The following HADH variants were observed in gnomAD, a reference collection of about 807,000 sequenced individuals.
HADH encodes the protein hydroxyacyl-coenzyme A dehydrogenase, mitochondrial.
A neutral mutation model predicts 32.2 loss-of-function variants in HADH; 24 were observed. That is an observed-to-expected ratio of 0.75 (90% CI 0.54 to 1.05). The LOEUF (loss-of-function observed/expected upper bound fraction) is 1.05, where lower values mean the gene tolerates loss of function less well. HADH is among the 50% of genes least tolerant of loss of function. The probability of loss-of-function intolerance (pLI) is 0.00; values close to 1 mark genes in which losing one functional copy is unlikely to be tolerated. For synonymous variants in HADH, 139 were observed against 152.5 expected, an observed-to-expected ratio of 0.91 and a Z score of 0.65; for missense variants, 350 against 397.1, an observed-to-expected ratio of 0.88 and a Z score of 1.01.
At position 108,032,324 on chromosome 4, in the gene HADH, C is replaced by T. The variant is rs1296251679; in HGVS notation, c.710-852C>T. The T allele has an allele frequency of 1.9e-6, 3 of 1,589,558 alleles. No individual in the cohort carries two copies. The African/African-American group carries it at 4.0e-5, about 21-fold the overall frequency. ...TTGATCCTTGTCGTAGTCTACTCAACAGACTTCCAAACGTGTGGTGATTCT... is the reference window on the plus strand; with the variant it reads ...TTGATCCTTGTCGTAGTCTACTCAATAGACTTCCAAACGTGTGGTGATTCT... On this transcript the variant is annotated intron_variant, in intron 6 of 7. Coordinates refer to ENST00000309522, the MANE Select transcript of HADH (RefSeq NM_005327.7).
intron 1 of HADH, among the ~76,000 whole-genome samples, chr4:107,993,539 G>C (rs562801094): frequency 2.6e-4 from 40 of 152,202 alleles, no homozygotes; most frequent in Admixed American, 9.2e-4. Context: ...TTTTAAACAC[G>C]TCAGTTTGTG....
At chr4:107,990,111 C>G in intron 1 of HADH, 47 bp downstream of exon 1, 1 of 1,569,170 alleles carries the variant, frequency 6.4e-7, no homozygotes, top group South Asian at 1.2e-5. Flanking sequence ...GCCGCCCACC[C>G]TGAGGTGGAA....
In HADH at chr4:108,027,659, G is replaced by GT. The variant is rs544275787; in HGVS notation, c.637-23dup. 508 of 1,438,774 alleles carry GT rather than the reference G, an allele frequency of 3.5e-4. 2 individuals carry two copies. In the South Asian group the frequency reaches 5.1e-3, roughly 15 times the overall value. 89.1% of individuals were successfully genotyped at this position (1,438,774 alleles called of 1,614,324 possible). A position where few individuals can be genotyped will look rare whatever the true frequency, so the allele number is the denominator to read the frequency against. On this transcript the variant is annotated intron_variant, in intron 5 of 7. Coordinates refer to ENST00000309522, the MANE Select transcript of HADH (RefSeq NM_005327.7). ...GATACCATTTAATGAAAATTTACTA[G>GT]TTTTTTGTTTTTCTGTCTCCCAAAA...
intron 5 of HADH, chr4:108,024,090 T>A (rs1434354673): frequency 1.9e-5 from 3 of 155,170 alleles, no homozygotes; most frequent in Admixed American, 6.3e-5. Context: ...GCAGCATGGT[T>A]TAGTGGGAAG....
At chr4:108,016,148 C>G (rs1452179617) in intron 3 of HADH, among the ~76,000 whole-genome samples, 1 of 152,098 alleles carries the variant, frequency 6.6e-6, no homozygotes, top group Non-Finnish European at 1.5e-5. Flanking sequence ...GGATCCAGAG[C>G]CTTCGAGTGT....
chr4:108,004,135 C>T (rs1735211535), intron 1 of HADH, among the ~76,000 whole-genome samples: 1 of 152,140 alleles, frequency 6.6e-6, no homozygotes, highest in South Asian at 2.1e-4. Flanking sequence ...GAATAATGTG[C>T]CTTCCCCAAA....
chr4:108,030,415 T>G (rs1158581382), intron 6 of HADH: 1 of 152,550 alleles, frequency 6.6e-6, no homozygotes, highest in African/African-American at 2.4e-5. Flanking sequence ...CTCCTCCTCA[T>G]CTTCATATGT....
chr4:108,024,141 G>T (rs1735984327), intron 5 of HADH: 1 of 153,408 alleles, frequency 6.5e-6, no homozygotes, highest in African/African-American at 2.4e-5. Context: ...TTCTTAAGCT[G>T]CCCAGTTATT....
intron 1 of HADH, among the ~76,000 whole-genome samples, chr4:108,004,111 C>T (rs17038333): frequency 0.012 from 1,760 of 152,230 alleles, 40 homozygotes; most frequent in African/African-American, 0.038. Flanking sequence ...CTCCCTGTCA[C>T]GTGTAGACAG....
rs144853087 is a variant in HADH at position 107,993,733 on chromosome 4, A to G, written c.132+3669A>G. On this transcript the variant is annotated intron_variant, in intron 1 of 7. Coordinates refer to ENST00000309522, the MANE Select transcript of HADH (RefSeq NM_005327.7). The stretch of plus-strand genomic sequence containing the variant: ...TCATTTCTTTTGTTTGTTTTAAATT[A>G]AAAAAACAAAAAATCCCTTAGACTG... 7.3e-3 allele frequency among the ~76,000 whole-genome samples: 1,104 copies of G among 152,256 alleles called. 11 individuals are homozygous for G. The highest frequency in any genetic ancestry group is 0.025 in the African/African-American group (1,053 of 41,552).
chr4:108,005,556 CTG>C (rs1735269350), intron 1 of HADH, among the ~76,000 whole-genome samples: 1 of 152,346 alleles, frequency 6.6e-6, no homozygotes, highest in South Asian at 2.1e-4. Context: ...ATAATGGTAA[CTG>C]TGAATGAATT....
At chr4:108,019,911 A>G (rs942859875) in intron 4 of HADH, among the ~76,000 whole-genome samples, 2 of 152,222 alleles carry the variant, frequency 1.3e-5, no homozygotes, top group Non-Finnish European at 2.9e-5. Flanking sequence ...TATTTGTGCC[A>G]GAGCTGATGG....
intron 6 of HADH, chr4:108,028,388 C>T (rs1213618258): frequency 6.5e-6 from 1 of 154,998 alleles, no homozygotes; most frequent in Non-Finnish European, 1.4e-5. Context: ...TGCTTTCCCT[C>T]CCTGGTTTCT....
At chr4:108,004,571 C>A in intron 1 of HADH, 1 of 1,181,528 alleles carries the variant, frequency 8.5e-7, no homozygotes, top group Non-Finnish European at 1.2e-6. Flanking sequence ...TAACCAAAAG[C>A]TGTGAATGAA....
At chr4:108,001,210 A>G (rs1380623802) in intron 1 of HADH, among the ~76,000 whole-genome samples, 1 of 152,208 alleles carries the variant, frequency 6.6e-6, no homozygotes, top group Non-Finnish European at 1.5e-5. Flanking sequence ...ATGGTGACCT[A>G]CAGAATAGTG....
intron 1 of HADH, among the ~76,000 whole-genome samples, chr4:108,008,655 C>T (rs1735369600): frequency 6.6e-6 from 1 of 152,146 alleles, no homozygotes. Context: ...CAAGTTCATT[C>T]CAGATAACTT....
intron 3 of HADH, among the ~76,000 whole-genome samples, chr4:108,018,041 A>G (rs1735752298): frequency 6.6e-6 from 1 of 152,140 alleles, no homozygotes; most frequent in African/African-American, 2.4e-5. Flanking sequence ...GATACCTGGA[A>G]CTGGGCTCTG....
chr4:108,023,400 A>T, intron 4 of HADH, 74 bp from the exon 5 acceptor site: 1 of 871,006 alleles, frequency 1.1e-6, no homozygotes, highest in Non-Finnish European at 2.0e-6. Flanking sequence ...CCTTTTGATC[A>T]ATCATTCCTT....
chr4:108,012,422 C>G (rs879737855), intron 2 of HADH, among the ~76,000 whole-genome samples: 1 of 152,174 alleles, frequency 6.6e-6, no homozygotes, highest in Admixed American at 6.5e-5. Flanking sequence ...GTACACTCGC[C>G]AGCATTTTTG....
Sources: allele counts gnomAD v4.1 joint callset (sites outside exome capture counted in the v4.1 genomes callset), GRCh38; gene constraint gnomAD v4.1.1; transcripts MANE v1.5; gene names NCBI Gene and HGNC (gene_info 2026-07-23, HGNC 2026-07-21).